C10orf71: variants seen among roughly 807,000 people sequenced by gnomAD.
C10orf71 encodes cardiac-enriched FHL2-interacting protein.
For missense variants in C10orf71, 1,869 were observed against 1,804.5 expected, an observed-to-expected ratio of 1.04 and a Z score of -0.65; for synonymous variants, 758 against 726.3, an observed-to-expected ratio of 1.04 and a Z score of -0.70.
Position 49,327,101 on chromosome 10 carries a change from G to A in C10orf71, c.*248G>A. ...GCTTGCTTGGCCCGGTCCCCTCCGT[G>A]CCAGTTCCCAGGCGCACTCTACTCC... On this transcript the variant is annotated 3_prime_UTR_variant, in exon 3 of 3. Coordinates refer to ENST00000374144, the MANE Select transcript of C10orf71 (RefSeq NM_001135196.2). 7.3e-7 allele frequency: 1 copy of A among 1,375,676 alleles called. No homozygotes were observed. Among genetic ancestry groups the A allele is most frequent in the Non-Finnish European group, 9.7e-7 (1 of 1,029,762 alleles). 85.2% of individuals were successfully genotyped at this position (1,375,676 alleles called of 1,614,324 possible).
intron 1 of C10orf71, among the ~76,000 whole-genome samples, chr10:49,306,674 T>C (rs1848819087): frequency 6.6e-6 from 1 of 152,188 alleles, no homozygotes; most frequent in Non-Finnish European, 1.5e-5. Flanking sequence ...GAAAGTCTAT[T>C]GGGAGCACCT....
chr10:49,325,769 T>G lies in C10orf71; in HGVS notation c.3224T>G (p.Ile1075Ser), dbSNP rs1039010763. The G allele has an allele frequency of 4.5e-6, 7 of 1,551,324 alleles. No homozygotes were observed. The African/African-American group carries it at 9.6e-5, about 21-fold the overall frequency. Residue 1075 changes from isoleucine (I) to serine (S), a missense_variant, in exon 3 of 3, where the codon ATT becomes AGT. Physicochemically the swap from Ile to Ser is moderately radical, Grantham distance 142. Transcript: ENST00000374144. ...SSACSPAASNIWEESSQAPGG... is the reference protein window; with the variant it reads ...SSACSPAASNSWEESSQAPGG... ...GCCTGCTCCCCTGCTGCCAGCAACA[T>G]TTGGGAGGAGTCTTCCCAGGCCCCT...
chr10:49,312,260 C>T (rs1417163409), intron 1 of C10orf71, among the ~76,000 whole-genome samples: 1 of 152,174 alleles, frequency 6.6e-6, no homozygotes, highest in Non-Finnish European at 1.5e-5. Context: ...TCCAGGGGCT[C>T]AAATGGAGAG....
At chr10:49,319,655 G>T (rs977001502) in intron 2 of C10orf71, among the ~76,000 whole-genome samples, 5 of 98,162 alleles carry the variant, frequency 5.1e-5, no homozygotes, top group Non-Finnish European at 9.1e-5. Context: ...GCAAAACGTG[G>T]TGTATATATA....
Position 49,324,095 on chromosome 10 carries a change from C to A in C10orf71, c.1550C>A (p.Ser517Ter). The change falls in exon 3 of 3, where the codon TCA becomes TAA. Residue 517 changes from serine (S) to a stop codon, truncating the protein, a stop_gained. Coordinates refer to ENST00000374144, the MANE Select transcript of C10orf71 (RefSeq NM_001135196.2). LOFTEE classifies it low-confidence loss of function (END_TRUNC). Reference sequence around the variant, plus strand: ...CGTGTTAAGAGCACATACAGTTCCTCACCTCTCTTGAAAGTGCTTGATGAG... The same window carrying A: ...CGTGTTAAGAGCACATACAGTTCCTAACCTCTCTTGAAAGTGCTTGATGAG... ...RKRVKSTYSS[S>*]PLLKVLDEKT... The A allele has an allele frequency of 6.2e-7, 1 of 1,613,998 alleles. No individual in the cohort carries two copies. The highest frequency in any genetic ancestry group is 8.5e-7 in the Non-Finnish European group (1 of 1,179,896).
Position 49,323,525 on chromosome 10 carries a change from T to C in C10orf71, c.980T>C (p.Val327Ala). Residue 327 changes from valine (V) to alanine (A), a missense_variant, in exon 3 of 3, where the codon GTC (valine) becomes GCC (alanine). Physicochemically the swap from Val to Ala is moderately conservative, Grantham distance 64. Coordinates refer to ENST00000374144, the MANE Select transcript of C10orf71 (RefSeq NM_001135196.2). ...PPERTVSPCQ[V>A]QASCSQEENR... Reference sequence around the variant, plus strand: ...GAGCGCACAGTCTCTCCCTGCCAGGTCCAGGCCAGCTGCAGTCAGGAAGAG... The same window carrying C: ...GAGCGCACAGTCTCTCCCTGCCAGGCCCAGGCCAGCTGCAGTCAGGAAGAG... 3 of 1,611,038 alleles carry C rather than the reference T, an allele frequency of 1.9e-6. No individual in the cohort carries two copies. The highest frequency in any genetic ancestry group is 2.5e-6 in the Non-Finnish European group (3 of 1,177,846).
At chr10:49,306,184 G>A (rs926891468) in intron 1 of C10orf71, among the ~76,000 whole-genome samples, 1 of 152,198 alleles carries the variant, frequency 6.6e-6, no homozygotes. Context: ...CGTCCTCCCT[G>A]CTGTGGTGGG....
At position 49,324,416 on chromosome 10, in the gene C10orf71, A is replaced by G. The variant is rs1849173873; in HGVS notation, c.1871A>G (p.Glu624Gly). The G allele has an allele frequency of 6.2e-7, 1 of 1,611,826 alleles. No individual in the cohort carries two copies. Among genetic ancestry groups the G allele is most frequent in the Non-Finnish European group, 8.5e-7 (1 of 1,178,928 alleles). ...YENKEVEGELEMGPAGSSWCP... is the reference protein window; with the variant it reads ...YENKEVEGELGMGPAGSSWCP... ...AACAAGGAGGTGGAAGGAGAGTTGG[A>G]GATGGGTCCTGCCGGATCCAGCTGG... Residue 624 changes from glutamate (E) to glycine (G), a missense_variant, in exon 3 of 3, where the codon GAG becomes GGG. Glu to Gly is a moderately conservative substitution (Grantham distance 98). Coordinates refer to ENST00000374144, the MANE Select transcript of C10orf71 (RefSeq NM_001135196.2).
intron 1 of C10orf71, among the ~76,000 whole-genome samples, chr10:49,305,942 A>G (rs1463324146): frequency 6.6e-6 from 1 of 152,212 alleles, no homozygotes; most frequent in Non-Finnish European, 1.5e-5. Flanking sequence ...GGAGCAGTAC[A>G]TATAAGAAGG....
At chr10:49,299,514 G>T (rs1477529676) in intron 1 of C10orf71, 2 of 152,822 alleles carry the variant, frequency 1.3e-5, no homozygotes, top group African/African-American at 4.8e-5. Flanking sequence ...AGTTCATGGC[G>T]GGAGGGATGT....
At position 49,324,934 on chromosome 10, in the gene C10orf71, G is replaced by T; in HGVS notation, c.2389G>T (p.Gly797Trp). The change falls in exon 3 of 3, where the codon GGG (glycine) becomes TGG (tryptophan). Residue 797 changes from glycine to tryptophan, a missense_variant. Transcript: ENST00000374144. ...CGCATGCCTGGAAAACCGCAGCCAG[G>T]GGGAAGCATTGCAAAGAGAAAGGGA... is the stretch of plus-strand genomic sequence containing the variant. ...GHACLENRSQGEALQRERESV... is the reference protein window; with the variant it reads ...GHACLENRSQWEALQRERESV... The T allele has an allele frequency of 6.4e-7, 1 of 1,550,888 alleles. No homozygotes were observed.
In C10orf71 at chr10:49,325,822, C is replaced by G. The variant is rs1849226398; in HGVS notation, c.3277C>G (p.Pro1093Ala). ...PGGPELLPEE[P>A]NQASPWASSS... ...AGGACCAGAGCTGCTTCCCGAGGAG[C>G]CTAATCAAGCCAGCCCCTGGGCCAG... The change falls in exon 3 of 3, where the codon CCT (proline) becomes GCT (alanine). Residue 1093 changes from proline (P) to alanine (A), a missense_variant. Pro to Ala is a conservative substitution (Grantham distance 27). Transcript: ENST00000374144. 2 of 1,551,308 alleles carry G rather than the reference C, an allele frequency of 1.3e-6. No individual in the cohort carries two copies. The highest frequency in any genetic ancestry group is 1.4e-5 in the African/African-American group (1 of 73,042).
upstream of C10orf71, among the ~76,000 whole-genome samples, chr10:49,297,451 G>GA (rs1169566321): frequency 7.9e-5 from 12 of 151,858 alleles, no homozygotes; most frequent in African/African-American, 2.7e-4. Flanking sequence ...TTCTGTTCAA[G>GA]AAAAAAAGCA....
rs1849124304 is a variant in C10orf71 at position 49,322,947 on chromosome 10, G to A, written c.402G>A (p.Arg134=). ...TGGAGGTGCCAGTTTCCGGCCTAAGGAGCAGCAATAAGCCTGTCTCCAAAG... is the reference window on the plus strand; with the variant it reads ...TGGAGGTGCCAGTTTCCGGCCTAAGAAGCAGCAATAAGCCTGTCTCCAAAG... The part of the protein sequence containing the change: ...RRLEVPVSGL[R]SSNKPVSKVS... Residue 134 remains arginine, a synonymous_variant, in exon 3 of 3, where the codon AGG becomes AGA. Coordinates refer to ENST00000374144, the MANE Select transcript of C10orf71 (RefSeq NM_001135196.2). 2.5e-6 allele frequency: 4 copies of A among 1,613,810 alleles called. No homozygotes were observed. Among genetic ancestry groups the A allele is most frequent in the South Asian group, 1.1e-5 (1 of 91,076 alleles).
chr10:49,323,124 G>A lies in C10orf71; in HGVS notation c.579G>A (p.Leu193=). The part of the protein sequence containing the change: ...SVNFCFDSAF[L]TVRRVPAEVS... ...ACTTCTGCTTCGATTCTGCCTTTCTGACAGTCAGGAGGGTGCCCGCTGAAG... is the reference window on the plus strand; with the variant it reads ...ACTTCTGCTTCGATTCTGCCTTTCTAACAGTCAGGAGGGTGCCCGCTGAAG... The change falls in exon 3 of 3, where the codon CTG becomes CTA. Residue 193 remains leucine (L), a synonymous_variant. Transcript: ENST00000374144. The A allele has an allele frequency of 5.6e-6, 9 of 1,613,970 alleles. No homozygotes were observed. The highest frequency in any genetic ancestry group is 7.6e-6 in the Non-Finnish European group (9 of 1,179,882).
intron 2 of C10orf71, among the ~76,000 whole-genome samples, chr10:49,320,607 A>T (rs1000106652): frequency 6.6e-6 from 1 of 152,226 alleles, no homozygotes; most frequent in African/African-American, 2.4e-5. Context: ...AGAGATGAGC[A>T]AGGAGGGAAC....
At position 49,325,162 on chromosome 10, in the gene C10orf71, C is replaced by T. The variant is rs773087400; in HGVS notation, c.2617C>T (p.Leu873=). The stretch of plus-strand genomic sequence containing the variant: ...TACCCCCGTAATTAAACCTATCATG[C>T]TGCCTCTCCTGAGGACCATGTCCTT... ...RATPVIKPIM[L]PLLRTMSLED... Residue 873 remains leucine, a synonymous_variant, in exon 3 of 3, where the codon CTG becomes TTG. Coordinates refer to ENST00000374144, the MANE Select transcript of C10orf71 (RefSeq NM_001135196.2). 2.6e-6 allele frequency: 4 copies of T among 1,552,106 alleles called. No homozygotes were observed. The South Asian group carries it at 4.8e-5, about 18-fold the overall frequency.
chr10:49,312,132 A>G (rs1479546640), intron 1 of C10orf71, among the ~76,000 whole-genome samples: 2 of 152,218 alleles, frequency 1.3e-5, no homozygotes, highest in Non-Finnish European at 2.9e-5. Flanking sequence ...ATGACCCTAC[A>G]ATAAGGAGAA....
At chr10:49,300,650 G>T (rs1208101480) in intron 1 of C10orf71, among the ~76,000 whole-genome samples, 1 of 152,142 alleles carries the variant, frequency 6.6e-6, no homozygotes, top group East Asian at 1.9e-4. Context: ...CTTAGCAGTA[G>T]AATCACCAGA....
Sources: allele counts gnomAD v4.1 joint callset (sites outside exome capture counted in the v4.1 genomes callset), GRCh38; gene constraint gnomAD v4.1.1; transcripts MANE v1.5; gene names NCBI Gene and HGNC (gene_info 2026-07-23, HGNC 2026-07-21).